Variants in ADGRA3 observed in about 807,000 individuals in gnomAD.
The protein encoded by ADGRA3 is adhesion G protein-coupled receptor A3.
ADGRA3 carries 56 observed loss-of-function variants against 119.8 expected under a neutral mutation model. That is an observed-to-expected ratio of 0.47 (90% CI 0.38 to 0.58). The LOEUF is 0.58. Among genes scored for constraint, ADGRA3 ranks in the 20% least tolerant of loss-of-function variants. The pLI is 0.00. For synonymous variants in ADGRA3, 607 were observed against 623.8 expected (o/e 0.97, Z 0.40); for missense variants, 1,516 against 1,649.0 (o/e 0.92, Z 1.40).
chr4:22,504,459 G>A (rs565645845), intron 1 of ADGRA3, among the ~76,000 whole-genome samples: 13 of 152,092 alleles, frequency 8.5e-5, no homozygotes, highest in Non-Finnish European at 1.5e-5. Context: ...AAATACTGTT[G>A]GACAGATGCT....
chr4:22,392,779 T>C, intron 16 of ADGRA3, 89 bp from the exon 17 acceptor site: 2 of 1,227,358 alleles, frequency 1.6e-6, no homozygotes, highest in East Asian at 5.0e-5. Context: ...AGAAGTCTGA[T>C]TTGAAAGCAG....
intron 14 of ADGRA3, among the ~76,000 whole-genome samples, chr4:22,403,732 A>T (rs544393138): frequency 1.3e-5 from 2 of 152,252 alleles, no homozygotes; most frequent in East Asian, 3.9e-4. Context: ...ACATAGTGAG[A>T]ACCTTTCTCA....
At chr4:22,450,085 A>G (rs1198672243) in intron 4 of ADGRA3, among the ~76,000 whole-genome samples, 1 of 152,152 alleles carries the variant, frequency 6.6e-6, no homozygotes, top group Non-Finnish European at 1.5e-5. Context: ...AAGCAATGAC[A>G]CATATTTTAC....
intron 16 of ADGRA3, 39 bp from the exon 17 acceptor site, chr4:22,392,729 T>A (rs1714189438): frequency 1.5e-5 from 23 of 1,576,144 alleles, no homozygotes; most frequent in Non-Finnish European, 2.0e-5. Context: ...AGAAAAAAAA[T>A]GTTCCTACTA....
intron 3 of ADGRA3, among the ~76,000 whole-genome samples, chr4:22,458,165 G>C (rs1717306430): frequency 6.6e-6 from 1 of 152,188 alleles, no homozygotes; most frequent in Admixed American, 6.5e-5. Flanking sequence ...GTTTCTGATA[G>C]GGTAGATCTT....
rs986565986 is a variant in ADGRA3 at position 22,413,092 on chromosome 4, C to CA, written c.2232+89dup. On this transcript the variant is annotated intron_variant, in intron 14 of 18. Transcript: ENST00000334304. Reference sequence around the variant, plus strand: ...GTTAAAAGTAAAAAAAAAAAAAAAACAAAAAACAAAAAAACACTTCATTTG... The same window carrying CA: ...GTTAAAAGTAAAAAAAAAAAAAAAACAAAAAAACAAAAAAACACTTCATTTG... The CA allele has an allele frequency of 4.5e-5, 41 of 917,040 alleles. 1 individual carries two copies. Among genetic ancestry groups the CA allele is most frequent in the South Asian group, 9.0e-5 (5 of 55,436 alleles). 56.8% of individuals were successfully genotyped at this position (917,040 alleles called of 1,614,324 possible).
chr4:22,487,541 G>A (rs1454149440), intron 1 of ADGRA3, among the ~76,000 whole-genome samples: 1 of 152,108 alleles, frequency 6.6e-6, no homozygotes, highest in Non-Finnish European at 1.5e-5. Context: ...ACTAGTACCG[G>A]TCCAAGGTCT....
intron 1 of ADGRA3, among the ~76,000 whole-genome samples, chr4:22,490,036 A>G (rs1718568518): frequency 6.6e-6 from 1 of 152,216 alleles, no homozygotes; most frequent in South Asian, 2.1e-4. Flanking sequence ...CATTCTTATC[A>G]AAGATCTGAC....
At chr4:22,478,030 A>G (rs1017872175) in intron 1 of ADGRA3, 1 of 152,224 alleles carries the variant, frequency 6.6e-6, no homozygotes, top group African/African-American at 2.4e-5. Flanking sequence ...TGAAAAATAT[A>G]AAACTTGAGC....
chr4:22,458,603 C>G (rs986676720), intron 3 of ADGRA3, among the ~76,000 whole-genome samples: 1 of 152,164 alleles, frequency 6.6e-6, no homozygotes, highest in Non-Finnish European at 1.5e-5. Flanking sequence ...TTTTGTTGAA[C>G]TGAACTGACA....
chr4:22,397,749 A>G (rs998200624), intron 16 of ADGRA3, among the ~76,000 whole-genome samples: 1 of 152,032 alleles, frequency 6.6e-6, no homozygotes, highest in East Asian at 1.9e-4. Flanking sequence ...TCCCCTGCAC[A>G]TGCGCTCTCT....
chr4:22,510,669 C>CT (rs1298179283), intron 1 of ADGRA3, among the ~76,000 whole-genome samples: 1 of 152,184 alleles, frequency 6.6e-6, no homozygotes, highest in Non-Finnish European at 1.5e-5. Context: ...CAGCCACCAC[C>CT]TGCCACCCTT....
chr4:22,502,831 T>C (rs1434867573), intron 1 of ADGRA3, among the ~76,000 whole-genome samples: 1 of 151,176 alleles, frequency 6.6e-6, no homozygotes, highest in Admixed American at 6.6e-5. Context: ...GTCTCAAGTT[T>C]ATCCATGACA....
In ADGRA3 at chr4:22,388,173, C is replaced by T. The variant is rs1577315958; in HGVS notation, c.3498G>A (p.Val1166=). The T allele has an allele frequency of 6.2e-7, 1 of 1,614,038 alleles. No individual in the cohort carries two copies. Among genetic ancestry groups the T allele is most frequent in the South Asian group, 1.1e-5 (1 of 91,084 alleles). The change falls in exon 19 of 19, where the codon GTG becomes GTA. Residue 1166 remains valine (V), a synonymous_variant. Coordinates refer to ENST00000334304, the MANE Select transcript of ADGRA3 (RefSeq NM_145290.4). ...TGTTTTTATGGTGGCGGCTTGAGTG[C>T]ACATTTGTTCGAAACTGAACTTCTA... ...APLEVQFRTN[V]HSSRHHKNRS... is the part of the protein sequence containing the mutation.
chr4:22,412,532 GA>G (rs34067286), intron 14 of ADGRA3, among the ~76,000 whole-genome samples: 22,931 of 151,932 alleles, frequency 0.15, 3,662 homozygotes, highest in African/African-American at 0.4. Context: ...ACTGGTAAGT[GA>G]TAATGCAAAT....
intron 16 of ADGRA3, among the ~76,000 whole-genome samples, chr4:22,395,363 C>T (rs1714307136): frequency 2.6e-5 from 4 of 152,124 alleles, no homozygotes; most frequent in Admixed American, 2.6e-4. Context: ...ATGATGAATA[C>T]AAGCATATAG....
At chr4:22,490,463 C>CT (rs1288077666) in intron 1 of ADGRA3, among the ~76,000 whole-genome samples, 2 of 152,100 alleles carry the variant, frequency 1.3e-5, no homozygotes, top group Non-Finnish European at 2.9e-5. Context: ...GTCTGAGTCT[C>CT]TGATTTTTTT....
chr4:22,487,263 T>G (rs1291448446), intron 1 of ADGRA3, among the ~76,000 whole-genome samples: 2 of 152,108 alleles, frequency 1.3e-5, no homozygotes, highest in African/African-American at 4.8e-5. Flanking sequence ...AAATCAGAGG[T>G]CCTCAACCTT....
chr4:22,430,788 C>T (rs1330685839), intron 10 of ADGRA3, among the ~76,000 whole-genome samples: 2 of 101,056 alleles, frequency 2.0e-5, no homozygotes, highest in Non-Finnish European at 4.6e-5. Context: ...AGGTCTTCAC[C>T]GCAGCCCCTC....
Sources: allele counts gnomAD v4.1 joint callset (sites outside exome capture counted in the v4.1 genomes callset), GRCh38; gene constraint gnomAD v4.1.1; transcripts MANE v1.5; gene names NCBI Gene and HGNC (gene_info 2026-07-23, HGNC 2026-07-21).